The following STAG1 variants were observed in gnomAD, a reference collection of about 807,000 sequenced individuals.
The protein encoded by STAG1 is cohesin subunit SA-1.
Under a neutral mutation model 170.9 loss-of-function variants are expected in STAG1, and 26 were observed. That is an observed-to-expected ratio of 0.15 (90% confidence interval 0.11 to 0.21). The LOEUF (loss-of-function observed/expected upper bound fraction) is 0.21. STAG1 is among the 10% of genes least tolerant of loss of function. The probability of loss-of-function intolerance (pLI) is 1.00; values close to 1 mark genes in which losing one functional copy is unlikely to be tolerated. For synonymous variants in STAG1, 514 were observed against 497.7 expected (o/e 1.03, Z -0.44); for missense variants, 964 against 1,509.5 (o/e 0.64, Z 5.99).
At chr3:136,440,358 C>T (rs566996432) in intron 15 of STAG1, among the ~76,000 whole-genome samples, 6 of 152,094 alleles carry the variant, frequency 3.9e-5, no homozygotes, top group South Asian at 4.2e-4. Context: ...AGGATGGTCT[C>T]GATCTCCTGA....
chr3:136,466,181 G>T (rs1488553733), intron 12 of STAG1, among the ~76,000 whole-genome samples: 1 of 152,180 alleles, frequency 6.6e-6, no homozygotes, highest in Non-Finnish European at 1.5e-5. Flanking sequence ...GACAGAAGAA[G>T]GCTACAGACG....
intron 2 of STAG1, 71 bp downstream of exon 2, chr3:136,630,799 T>C (rs1331761906): frequency 9.1e-7 from 1 of 1,094,588 alleles, no homozygotes; most frequent in Non-Finnish European, 1.3e-6. Flanking sequence ...GAAGAGAGCA[T>C]TTTGATAAAG....
intron 1 of STAG1, among the ~76,000 whole-genome samples, chr3:136,738,281 G>C (rs941082112): frequency 2.0e-5 from 3 of 149,528 alleles, no homozygotes; most frequent in African/African-American, 7.4e-5. Flanking sequence ...ACCTGAGGTC[G>C]GGAGTTCGAG....
intron 12 of STAG1, among the ~76,000 whole-genome samples, chr3:136,467,281 ACAC>A (rs1354075692): frequency 6.6e-6 from 1 of 152,176 alleles, no homozygotes; most frequent in Non-Finnish European, 1.5e-5. Context: ...ATGCAGAGAC[ACAC>A]ATAGGCGCAA....
Position 136,635,729 on chromosome 3 carries a change from A to C in STAG1, c.-83-4748T>G, listed in dbSNP as rs146797286. ...ATAGAAAATCTGAAAGAACTGACAA[A>C]GGCAAAATAAAACAACTCTTGGAAC... is the stretch of plus-strand genomic sequence containing the variant. On this transcript the variant is annotated intron_variant, in intron 1 of 33. Coordinates refer to ENST00000383202, the MANE Select transcript of STAG1 (RefSeq NM_005862.3). Among the ~76,000 whole-genome samples, 575 of 152,316 alleles carry C rather than the reference A, an allele frequency of 3.8e-3. 1 individual carries two copies. Among genetic ancestry groups the C allele is most frequent in the Non-Finnish European group, 6.5e-3 (441 of 68,026 alleles).
At chr3:136,387,441 A>T (rs2086903019) in intron 22 of STAG1, among the ~76,000 whole-genome samples, 1 of 152,222 alleles carries the variant, frequency 6.6e-6, no homozygotes, top group South Asian at 2.1e-4. Context: ...TCATTAAATT[A>T]CTTTTCACCT....
At chr3:136,656,287 G>T (rs955654764) in intron 1 of STAG1, among the ~76,000 whole-genome samples, 1 of 152,060 alleles carries the variant, frequency 6.6e-6, no homozygotes, top group Non-Finnish European at 1.5e-5. Flanking sequence ...GGCACTGAAG[G>T]GTTTTTATTT....
At chr3:136,477,244 G>C (rs981468411) in intron 10 of STAG1, 45 bp downstream of exon 10, 1 of 1,547,116 alleles carries the variant, frequency 6.5e-7, no homozygotes, top group Non-Finnish European at 8.7e-7. Context: ...TTTTAGTACT[G>C]AGACAAACAT....
intron 1 of STAG1, among the ~76,000 whole-genome samples, chr3:136,740,633 C>T (rs1024928483): frequency 9.9e-5 from 15 of 151,822 alleles, no homozygotes; most frequent in African/African-American, 3.6e-4. Context: ...GTGCGCACTA[C>T]CACACCTAAC....
intron 13 of STAG1, among the ~76,000 whole-genome samples, chr3:136,460,897 A>G (rs2089255659): frequency 6.6e-6 from 1 of 152,204 alleles, no homozygotes; most frequent in African/African-American, 2.4e-5. Context: ...AAAAACTATT[A>G]GACAATATCC....
chr3:136,538,969 C>T (rs1418898314), intron 6 of STAG1, among the ~76,000 whole-genome samples: 1 of 152,010 alleles, frequency 6.6e-6, no homozygotes, highest in Non-Finnish European at 1.5e-5. Context: ...CCCGTCTCTA[C>T]TAAAAATACA....
chr3:136,564,180 C>T (rs1052038769), intron 5 of STAG1, among the ~76,000 whole-genome samples: 2 of 152,122 alleles, frequency 1.3e-5, no homozygotes, highest in Non-Finnish European at 2.9e-5. Flanking sequence ...TTTCCAGTAA[C>T]AAATAATGTT....
intron 1 of STAG1, among the ~76,000 whole-genome samples, chr3:136,705,063 A>G (rs1337535143): frequency 6.6e-6 from 1 of 152,004 alleles, no homozygotes; most frequent in Non-Finnish European, 1.5e-5. Context: ...AAACATCTAG[A>G]CAGAAGATCA....
intron 25 of STAG1, among the ~76,000 whole-genome samples, chr3:136,366,018 C>G (rs1264147322): frequency 6.6e-6 from 1 of 151,792 alleles, no homozygotes; most frequent in Non-Finnish European, 1.5e-5. Context: ...TCTTGCTCCT[C>G]TCACTTAAGT....
At chr3:136,649,441 T>C (rs924551945) in intron 1 of STAG1, among the ~76,000 whole-genome samples, 5 of 145,160 alleles carry the variant, frequency 3.4e-5, no homozygotes, top group South Asian at 2.1e-4. Flanking sequence ...ATGGCGCCAC[T>C]GTACTCCAGC....
Position 136,474,205 on chromosome 3 carries a change from T to A in STAG1, c.1027-568A>T, listed in dbSNP as rs55954848. Among the ~76,000 whole-genome samples the A allele has an allele frequency of 4.0e-3, 603 of 152,234 alleles. 7 individuals are homozygous for A. Among genetic ancestry groups the A allele is most frequent in the African/African-American group, 0.014 (586 of 41,550 alleles). ...AAAGTCATCAACTTGGCGTACAGGA[T>A]GTTGATGATCAAAATGCATTCAGGA... On this transcript the variant is annotated intron_variant, in intron 10 of 33. Transcript: ENST00000383202.
At chr3:136,469,517 C>T (rs2089565506) in intron 12 of STAG1, among the ~76,000 whole-genome samples, 1 of 152,226 alleles carries the variant, frequency 6.6e-6, no homozygotes. Context: ...ATTCCATGCT[C>T]ATGGATAGGA....
intron 7 of STAG1, among the ~76,000 whole-genome samples, chr3:136,512,736 T>C (rs1468010982): frequency 2.1e-5 from 3 of 144,124 alleles, no homozygotes; most frequent in South Asian, 4.4e-4. Context: ...TGAGGATCTA[T>C]AAAAAAAAAA....
chr3:136,618,398 C>T (rs142340630), intron 3 of STAG1, among the ~76,000 whole-genome samples: 2,017 of 152,298 alleles, frequency 0.013, 42 homozygotes, highest in African/African-American at 0.046. Context: ...TCTGTAAGGG[C>T]GCACCCTTCT....
Sources: allele counts gnomAD v4.1 joint callset (sites outside exome capture counted in the v4.1 genomes callset), GRCh38; gene constraint gnomAD v4.1.1; transcripts MANE v1.5; gene names NCBI Gene and HGNC (gene_info 2026-07-23, HGNC 2026-07-21).